Variants in RALGDS observed in about 807,000 individuals in gnomAD.
The protein encoded by RALGDS is ral guanine nucleotide dissociation stimulator.
Under a neutral mutation model 99.8 loss-of-function variants are expected in RALGDS, and 44 were observed. The ratio of observed to expected loss-of-function variants is 0.44; its 90% CI spans 0.35 to 0.57. RALGDS has a LOEUF of 0.57. Ranked by LOEUF, RALGDS falls within the 20% of genes least tolerant of loss-of-function variation. The pLI, the probability that RALGDS is intolerant of heterozygous loss-of-function variation, is 0.01. For synonymous variants in RALGDS, 529 were observed against 505.0 expected (o/e 1.05, Z -0.64); for missense variants, 1,022 against 1,203.1 (o/e 0.85, Z 2.23).
exon 1 of RALGDS, chr9:133,149,007 C>T (rs1207165029): frequency 6.4e-7 from 1 of 1,557,568 alleles, no homozygotes; most frequent in Non-Finnish European, 8.6e-7. Context: ...ACATCGCCGG[C>T]CCCAGGGCGG....
intron 1 of RALGDS, chr9:133,129,437 G>A (rs1313116439): frequency 3.6e-6 from 5 of 1,401,982 alleles, no homozygotes; most frequent in Non-Finnish European, 4.6e-6. Context: ...TGTCACCCGC[G>A]TGGCTGTCAT....
At chr9:133,120,700 C>CT (rs1831886614) in intron 1 of RALGDS, among the ~76,000 whole-genome samples, 1 of 152,226 alleles carries the variant, frequency 6.6e-6, no homozygotes, top group Non-Finnish European at 1.5e-5. Flanking sequence ...CTGCAGCGGC[C>CT]TTGGTGACAG....
chr9:133,102,710 C>A, intron 13 of RALGDS, 69 bp downstream of exon 13: 1 of 1,601,898 alleles, frequency 6.2e-7, no homozygotes, highest in Non-Finnish European at 8.5e-7. Context: ...GTCATAGCTG[C>A]TGGCCCTCTG....
chr9:133,130,258 C>A (rs1832295172), intron 1 of RALGDS, among the ~76,000 whole-genome samples: 1 of 152,232 alleles, frequency 6.6e-6, no homozygotes, highest in African/African-American at 2.4e-5. Context: ...GCATGAGCCA[C>A]CACACTCAGC....
At chr9:133,114,876 A>G (rs1171608691) in intron 1 of RALGDS, among the ~76,000 whole-genome samples, 1 of 152,196 alleles carries the variant, frequency 6.6e-6, no homozygotes, top group Middle Eastern at 3.2e-3. Flanking sequence ...CATTTGGGTC[A>G]GTGCAGTGAG....
intron 8 of RALGDS, among the ~76,000 whole-genome samples, chr9:133,106,374 G>C (rs146346950): frequency 6.6e-6 from 1 of 152,194 alleles, no homozygotes; most frequent in South Asian, 2.1e-4. Context: ...GATTACAGGC[G>C]TTAGCCATTG....
In RALGDS at chr9:133,121,064, C is replaced by T. The variant is rs1301843062; in HGVS notation, c.91G>A (p.Asp31Asn). ...ACGCCCACCTCCAGGCGCACGGCGT[C>T]CCACACGCTGCGGCTCCGCCGGGAG... ...PGSRRSRSVW[D>N]AVRLEVGVPD... The change falls in exon 1 of 18, where the codon GAC becomes AAC. Residue 31 changes from aspartate to asparagine, a missense_variant. Asp to Asn is a conservative substitution (Grantham distance 23). Coordinates refer to ENST00000372050, the MANE Select transcript of RALGDS (RefSeq NM_006266.4). 12 of 1,487,536 alleles carry T rather than the reference C, an allele frequency of 8.1e-6. No individual in the cohort carries two copies. The highest frequency in any genetic ancestry group is 1.1e-5 in the Non-Finnish European group (12 of 1,125,214). 92.1% of individuals were successfully genotyped at this position (1,487,536 alleles called of 1,614,324 possible).
At chr9:133,146,322 G>A (rs987807362) in intron 1 of RALGDS, among the ~76,000 whole-genome samples, 1 of 152,108 alleles carries the variant, frequency 6.6e-6, no homozygotes, top group Non-Finnish European at 1.5e-5. Flanking sequence ...GGAGTAGCTG[G>A]GATTATAGGC....
At position 133,100,358 on chromosome 9, in the gene RALGDS, C is replaced by A. The variant is rs778654353; in HGVS notation, c.2479G>T (p.Ala827Ser). Residue 827 changes from alanine (A) to serine (S), a missense_variant, in exon 17 of 18, where the codon GCT becomes TCT. Ala to Ser is a moderately conservative substitution (Grantham distance 99, BLOSUM62 1). Around this residue, in one of 3 missense-constraint regions of RALGDS, gnomAD observed 825 missense variants for 994.5 expected, o/e 0.83. Transcript: ENST00000372050. The stretch of plus-strand genomic sequence containing the variant: ...TTGTCCATGGCCTTGCGGATTACAG[C>A]CGGAGCCTTATCTTGGCTGGTCACC... ...ILVTSQDKAP[A>S]VIRKAMDKHN... 2.5e-6 allele frequency: 4 copies of A among 1,614,202 alleles called. No homozygotes were observed. Among genetic ancestry groups the A allele is most frequent in the Non-Finnish European group, 2.5e-6 (3 of 1,180,034 alleles).
upstream of RALGDS, among the ~76,000 whole-genome samples, chr9:133,125,622 G>A (rs1832126956): frequency 6.6e-6 from 1 of 152,116 alleles, no homozygotes; most frequent in Non-Finnish European, 1.5e-5. Flanking sequence ...TGTAATCCCA[G>A]CTACTTGGGA....
intron 4 of RALGDS, 44 bp from the exon 5 acceptor site, chr9:133,108,910 C>T: frequency 1.3e-6 from 2 of 1,553,492 alleles, no homozygotes; most frequent in African/African-American, 2.7e-5. Flanking sequence ...CCTGGGCTCC[C>T]CTGAGCCAGG....
chr9:133,139,307 GGCA>G (rs1296273028), intron 1 of RALGDS, among the ~76,000 whole-genome samples: 1 of 152,208 alleles, frequency 6.6e-6, no homozygotes, highest in Non-Finnish European at 1.5e-5. Context: ...GAGGGGAGGA[GGCA>G]GGGCTCCATG....
intron 1 of RALGDS, among the ~76,000 whole-genome samples, chr9:133,116,911 G>A (rs984639604): frequency 1.3e-5 from 2 of 152,254 alleles, no homozygotes; most frequent in African/African-American, 4.8e-5. Context: ...TTGTGGCACA[G>A]ATGTGGAGGA....
chr9:133,105,898 C>A, intron 9 of RALGDS, 34 bp downstream of exon 9: 1 of 404,530 alleles, frequency 2.5e-6, no homozygotes, highest in Non-Finnish European at 4.5e-6. Flanking sequence ...CCAGCCCCCG[C>A]CCCAGCCCCC....
intron 1 of RALGDS, among the ~76,000 whole-genome samples, chr9:133,137,435 T>C (rs969535090): frequency 1.3e-5 from 2 of 152,204 alleles, no homozygotes; most frequent in Non-Finnish European, 2.9e-5. Flanking sequence ...TCGGAGGTTC[T>C]TGTGGGAAGA....
intron 2 of RALGDS, 24 bp downstream of exon 2, chr9:133,112,018 A>T: frequency 6.6e-7 from 1 of 1,516,178 alleles, no homozygotes; most frequent in Non-Finnish European, 9.0e-7. Flanking sequence ...TGCGTCTCCC[A>T]GTGGAGACCC....
At chr9:133,110,861 TG>T (rs1831305660) in intron 2 of RALGDS, among the ~76,000 whole-genome samples, 2 of 151,718 alleles carry the variant, frequency 1.3e-5, no homozygotes, top group Non-Finnish European at 1.5e-5. Context: ...GTGGGCAAAT[TG>T]CTTGAGCCCA....
intron 4 of RALGDS, 143 bp downstream of exon 4, chr9:133,109,483 A>C: frequency 2.5e-6 from 2 of 803,176 alleles, no homozygotes; most frequent in South Asian, 2.8e-5. Context: ...AAGCCCCCAG[A>C]CCCCAGCCCT....
chr9:133,119,796 C>T (rs1281968718), intron 1 of RALGDS, among the ~76,000 whole-genome samples: 1 of 151,924 alleles, frequency 6.6e-6, no homozygotes, highest in Non-Finnish European at 1.5e-5. Flanking sequence ...AAGGGTCTCT[C>T]AGGCGTGTGG....
Sources: allele counts gnomAD v4.1 joint callset (sites outside exome capture counted in the v4.1 genomes callset), GRCh38; gene constraint gnomAD v4.1.1; regional missense constraint gnomAD v4.1.1; transcripts MANE v1.5; gene names NCBI Gene and HGNC (gene_info 2026-07-23, HGNC 2026-07-21).